NTM: variants seen among roughly 807,000 people sequenced by gnomAD.
The protein encoded by NTM is IgLON family member 2.
Under a neutral mutation model 42.1 loss-of-function variants are expected in NTM, and 13 were observed. That is an observed-to-expected ratio of 0.31 (90% confidence interval 0.20 to 0.49). NTM has a LOEUF of 0.49. Ranked by LOEUF, NTM falls within the 20% of genes least tolerant of loss-of-function variation. The probability of loss-of-function intolerance (pLI) is 0.99; values close to 1 mark genes in which losing one functional copy is unlikely to be tolerated. For synonymous variants in NTM, 187 were observed against 179.2 expected (o/e 1.04, Z -0.35); for missense variants, 373 against 452.8 (o/e 0.82, Z 1.60).
intron 1 of NTM, among the ~76,000 whole-genome samples, chr11:131,505,532 T>C (rs1387783336): frequency 1.3e-5 from 2 of 152,188 alleles, no homozygotes; most frequent in Non-Finnish European, 2.9e-5. Flanking sequence ...TACCCCCTTT[T>C]CACAGGTGAG....
chr11:132,013,959 T>G (rs1431262126), intron 2 of NTM, among the ~76,000 whole-genome samples: 1 of 152,072 alleles, frequency 6.6e-6, no homozygotes, highest in East Asian at 1.9e-4. Flanking sequence ...CATACACTGC[T>G]ATTGAATATT....
At chr11:132,086,958 A>C in intron 2 of NTM, among the ~76,000 whole-genome samples, 1 of 152,152 alleles carries the variant, frequency 6.6e-6, no homozygotes. Flanking sequence ...AGGAGTAAAA[A>C]AGAAGGCTTT....
At chr11:131,703,496 A>G (rs899574961) in intron 1 of NTM, among the ~76,000 whole-genome samples, 3 of 152,220 alleles carry the variant, frequency 2.0e-5, no homozygotes, top group African/African-American at 7.2e-5. Flanking sequence ...CTGCATTAAG[A>G]TCAAATCTCT....
At chr11:132,202,663 C>T (rs2138493464) in intron 3 of NTM, among the ~76,000 whole-genome samples, 1 of 152,180 alleles carries the variant, frequency 6.6e-6, no homozygotes, top group African/African-American at 2.4e-5. Context: ...ACCATTATGC[C>T]CCGAAGCCAA....
At chr11:132,173,668 G>C (rs2076396091) in intron 3 of NTM, among the ~76,000 whole-genome samples, 1 of 152,160 alleles carries the variant, frequency 6.6e-6, no homozygotes, top group African/African-American at 2.4e-5. Flanking sequence ...CCAGCTTGTG[G>C]AGGAAGTAGG....
intron 1 of NTM, among the ~76,000 whole-genome samples, chr11:131,501,125 A>G (rs433406): frequency 0.52 from 79,491 of 151,816 alleles, 21,973 homozygotes; most frequent in African/African-American, 0.72. Context: ...ATACGTAACC[A>G]CAATCCAACC....
At chr11:131,849,878 G>T (rs1016735721) in intron 1 of NTM, among the ~76,000 whole-genome samples, 3 of 150,868 alleles carry the variant, frequency 2.0e-5, no homozygotes, top group South Asian at 4.2e-4. Flanking sequence ...GCTAAATGAC[G>T]AGTTAATGGG....
intron 1 of NTM, among the ~76,000 whole-genome samples, chr11:131,678,369 C>T (rs143627406): frequency 1.4e-3 from 211 of 152,352 alleles, no homozygotes; most frequent in Middle Eastern, 3.4e-3. Context: ...TCTGGCCCAG[C>T]GCTGACCACT....
intron 2 of NTM, among the ~76,000 whole-genome samples, chr11:132,123,652 A>G (rs1034263400): frequency 1.3e-5 from 2 of 152,200 alleles, no homozygotes; most frequent in East Asian, 1.9e-4. Context: ...GCCAGCCAAC[A>G]GGTGCCTGAG....
intron 1 of NTM, among the ~76,000 whole-genome samples, chr11:131,434,438 T>A (rs111887743): frequency 6.6e-6 from 1 of 152,158 alleles, no homozygotes; most frequent in Non-Finnish European, 1.5e-5. Context: ...TCCACATCCT[T>A]TCCAGCATCT....
chr11:131,484,735 C>T (rs948047660), intron 1 of NTM, among the ~76,000 whole-genome samples: 7 of 152,114 alleles, frequency 4.6e-5, no homozygotes, highest in African/African-American at 1.7e-4. Flanking sequence ...GTCCTAAAGA[C>T]ATTTTTTTGC....
rs148571965 is a variant in NTM, at chr11:132,305,585, C to G, written c.527-2104C>G. Among the ~76,000 whole-genome samples the G allele has an allele frequency of 5.3e-5, 8 of 152,248 alleles. No homozygotes were observed. In the East Asian group the frequency reaches 1.5e-3, roughly 29 times the overall value. ...GAATATTAAGTGTGACACTGGTCTC[C>G]GAGATGCTTGGCACAGTAATTATAG... On this transcript the variant is annotated intron_variant, in intron 4 of 8. Transcript: ENST00000683400.
At chr11:132,245,959 G>C (rs1196446690) in intron 4 of NTM, among the ~76,000 whole-genome samples, 1 of 152,206 alleles carries the variant, frequency 6.6e-6, no homozygotes, top group Non-Finnish European at 1.5e-5. Flanking sequence ...GCCGCGTCAG[G>C]ATCTTTTCTC....
intron 1 of NTM, among the ~76,000 whole-genome samples, chr11:131,464,785 G>A (rs774296320): frequency 1.9e-4 from 29 of 152,290 alleles, no homozygotes; most frequent in Admixed American, 2.6e-4. Context: ...GCGGGTCTGC[G>A]AGGGATCTAG....
rs191004784 is a variant in NTM, at chr11:131,998,145, G to T, written c.167+86497G>T. 3.9e-5 allele frequency among the ~76,000 whole-genome samples: 6 copies of T among 152,128 alleles called. No individual in the cohort carries two copies. The East Asian group carries it at 1.2e-3, about 30-fold the overall frequency. ...AGGCCAGGCTGCTGCCTGGTTTTACGGGGTCATAAAAGTCCTGACAGGAGT... is the reference window on the plus strand; with the variant it reads ...AGGCCAGGCTGCTGCCTGGTTTTACTGGGTCATAAAAGTCCTGACAGGAGT... On this transcript the variant is annotated intron_variant, in intron 2 of 8. Coordinates refer to ENST00000683400, the MANE Select transcript of NTM (RefSeq NM_001352005.2).
At chr11:131,490,043 G>A (rs1409774852) in intron 1 of NTM, among the ~76,000 whole-genome samples, 2 of 152,336 alleles carry the variant, frequency 1.3e-5, no homozygotes, top group East Asian at 1.9e-4. Flanking sequence ...ATTGCATGGC[G>A]AGAGAGGAAG....
chr11:132,130,879 G>A (rs2066696207), intron 2 of NTM, among the ~76,000 whole-genome samples: 2 of 152,184 alleles, frequency 1.3e-5, no homozygotes, highest in South Asian at 4.1e-4. Flanking sequence ...TACAGAAAAG[G>A]AAACCGAGGC....
At chr11:131,549,923 A>G (rs934954572) in intron 1 of NTM, among the ~76,000 whole-genome samples, 8 of 152,202 alleles carry the variant, frequency 5.3e-5, no homozygotes, top group African/African-American at 1.7e-4. Flanking sequence ...CCACGTGTGC[A>G]TATCTGTATT....
chr11:131,634,761 G>T (rs1213659470), intron 1 of NTM, among the ~76,000 whole-genome samples: 1 of 152,064 alleles, frequency 6.6e-6, no homozygotes, highest in Admixed American at 6.5e-5. Context: ...CTGAGCTTCT[G>T]TTTCTGTCTT....
Sources: allele counts gnomAD v4.1 joint callset (sites outside exome capture counted in the v4.1 genomes callset), GRCh38; gene constraint gnomAD v4.1.1; transcripts MANE v1.5; gene names NCBI Gene and HGNC (gene_info 2026-07-23, HGNC 2026-07-21).